Variants in TBC1D22A observed in about 807,000 individuals in gnomAD.
TBC1D22A encodes the protein TBC1 domain family member 22A, also known as putative GTPase activator.
Under a neutral mutation model 60.2 loss-of-function variants are expected in TBC1D22A, and 38 were observed. That is an observed-to-expected ratio of 0.63 (90% CI 0.49 to 0.83). The LOEUF (loss-of-function observed/expected upper bound fraction) is 0.83. Ranked by LOEUF, TBC1D22A falls within the 40% of genes least tolerant of loss-of-function variation. TBC1D22A has a pLI of 0.00. For synonymous variants in TBC1D22A, 302 were observed against 281.7 expected, an observed-to-expected ratio of 1.07 and a Z score of -0.72; for missense variants, 628 against 701.0, an observed-to-expected ratio of 0.90 and a Z score of 1.18.
At chr22:46,933,715 C>T (rs538582343) in intron 8 of TBC1D22A, among the ~76,000 whole-genome samples, 15 of 152,330 alleles carry the variant, frequency 9.8e-5, no homozygotes, top group African/African-American at 3.4e-4. Context: ...CTGCCCGGGG[C>T]GGGTGTTGAC....
chr22:47,154,264 G>C (rs751999665), intron 12 of TBC1D22A, among the ~76,000 whole-genome samples: 1 of 152,148 alleles, frequency 6.6e-6, no homozygotes, highest in Non-Finnish European at 1.5e-5. Context: ...TTTGAGAGCT[G>C]TTCCTAGTGT....
intron 12 of TBC1D22A, among the ~76,000 whole-genome samples, chr22:47,164,483 A>G (rs1182877256): frequency 1.3e-5 from 2 of 152,190 alleles, no homozygotes; most frequent in African/African-American, 2.4e-5. Flanking sequence ...TGCCTGGGGC[A>G]TGGGACGGCC....
intron 1 of TBC1D22A, among the ~76,000 whole-genome samples, chr22:46,776,839 G>A (rs555325221): frequency 1.3e-4 from 20 of 152,196 alleles, no homozygotes; most frequent in African/African-American, 4.8e-4. Context: ...GGGGCAGGAG[G>A]ACACTGCACA....
At chr22:47,149,836 ATTG>A (rs1217731585) in intron 12 of TBC1D22A, among the ~76,000 whole-genome samples, 1 of 152,206 alleles carries the variant, frequency 6.6e-6, no homozygotes, top group East Asian at 1.9e-4. Context: ...GACTGGGGTG[ATTG>A]TCACCTCCAC....
At chr22:47,056,006 C>T (rs576718844) in intron 11 of TBC1D22A, among the ~76,000 whole-genome samples, 24 of 146,560 alleles carry the variant, frequency 1.6e-4, no homozygotes, top group African/African-American at 5.8e-4. Context: ...ATCATTGGGA[C>T]TGTTGGACTG....
rs2148397193 is a variant in TBC1D22A at position 47,037,103 on chromosome 22, G to A, written c.1234G>A (p.Val412Met). 2 of 1,613,990 alleles carry A rather than the reference G, an allele frequency of 1.2e-6. No homozygotes were observed. Among genetic ancestry groups the A allele is most frequent in the Non-Finnish European group, 8.5e-7 (1 of 1,179,896 alleles). ...GCACCGGCACCTGGACCAACACGAA[G>A]TGAGATACCTGCAGTTTGCCTTCCG... Reference protein sequence around the residue: ...QVHRHLDQHEVRYLQFAFRWM... With the variant: ...QVHRHLDQHEMRYLQFAFRWM... The change falls in exon 11 of 13, where the codon GTG becomes ATG. Residue 412 changes from valine (V) to methionine (M), a missense_variant. Val to Met is a conservative substitution (Grantham distance 21). Coordinates refer to ENST00000337137, the MANE Select transcript of TBC1D22A (RefSeq NM_014346.5).
intron 9 of TBC1D22A, among the ~76,000 whole-genome samples, chr22:46,987,172 C>A (rs1177817518): frequency 1.3e-5 from 2 of 152,154 alleles, no homozygotes. Flanking sequence ...GAAGTCATGC[C>A]CCCTGTACGC....
At chr22:47,140,930 T>G (rs117709515) in intron 12 of TBC1D22A, among the ~76,000 whole-genome samples, 1 of 152,368 alleles carries the variant, frequency 6.6e-6, no homozygotes, top group Non-Finnish European at 1.5e-5. Context: ...TCCGGAGCCC[T>G]GACTCTAGGA....
intron 10 of TBC1D22A, 138 bp from the exon 11 acceptor site, chr22:47,036,933 T>A: frequency 1.1e-6 from 1 of 925,806 alleles, no homozygotes; most frequent in Non-Finnish European, 1.6e-6. Flanking sequence ...CTTTGCTCCT[T>A]GGGGGTTGTT....
intron 8 of TBC1D22A, among the ~76,000 whole-genome samples, chr22:46,918,907 GC>G (rs2070558152): frequency 6.6e-6 from 1 of 152,130 alleles, no homozygotes; most frequent in Non-Finnish European, 1.5e-5. Flanking sequence ...TCTGACTCCA[GC>G]AGTCACCGTT....
intron 4 of TBC1D22A, among the ~76,000 whole-genome samples, chr22:46,861,204 G>A (rs879485936): frequency 4.6e-5 from 7 of 152,062 alleles, no homozygotes; most frequent in Non-Finnish European, 8.8e-5. Flanking sequence ...GTGATCCACC[G>A]TGCCTCGGCT....
At chr22:46,809,568 A>G (rs926386402) in intron 4 of TBC1D22A, among the ~76,000 whole-genome samples, 8 of 151,272 alleles carry the variant, frequency 5.3e-5, no homozygotes, top group African/African-American at 1.7e-4. Context: ...ATCCCCTGCC[A>G]CCCTGACCCT....
At chr22:46,821,970 C>A (rs1022971003) in intron 4 of TBC1D22A, among the ~76,000 whole-genome samples, 1 of 151,726 alleles carries the variant, frequency 6.6e-6, no homozygotes, top group South Asian at 2.1e-4. Flanking sequence ...TGTCTGCATA[C>A]CTTATTTCAT....
At chr22:46,815,747 C>T (rs951036290) in intron 4 of TBC1D22A, among the ~76,000 whole-genome samples, 9 of 152,156 alleles carry the variant, frequency 5.9e-5, no homozygotes, top group African/African-American at 2.2e-4. Context: ...GTTGAGAGAC[C>T]AGGCAAAACA....
In TBC1D22A at chr22:46,771,260, A is replaced by G. The variant is rs559962852; in HGVS notation, c.62+8412A>G. Reference sequence around the variant, plus strand: ...CATCGCCTCCAAGTGTTTTTGAGGAACCATGGGATTCCTCATGGAATTGAG... The same window carrying G: ...CATCGCCTCCAAGTGTTTTTGAGGAGCCATGGGATTCCTCATGGAATTGAG... On this transcript the variant is annotated intron_variant, in intron 1 of 12. Coordinates refer to ENST00000337137, the MANE Select transcript of TBC1D22A (RefSeq NM_014346.5). Among the ~76,000 whole-genome samples the G allele has an allele frequency of 9.9e-5, 15 of 152,274 alleles. No homozygotes were observed. The South Asian group carries it at 3.1e-3, about 32-fold the overall frequency.
chr22:46,940,595 C>T (rs1055814439), intron 8 of TBC1D22A, among the ~76,000 whole-genome samples: 1 of 145,000 alleles, frequency 6.9e-6, no homozygotes, highest in Non-Finnish European at 1.5e-5. Flanking sequence ...CACAGTCCAC[C>T]CTTGAACAGC....
chr22:46,916,065 A>G (rs938474511), intron 8 of TBC1D22A: 1 of 397,326 alleles, frequency 2.5e-6, no homozygotes, highest in Non-Finnish European at 4.9e-6. Flanking sequence ...ATATGCATGT[A>G]GTGAATTGTA....
chr22:47,055,050 G>A (rs1478298658), intron 11 of TBC1D22A, among the ~76,000 whole-genome samples: 2 of 152,220 alleles, frequency 1.3e-5, no homozygotes, highest in Non-Finnish European at 2.9e-5. Flanking sequence ...TCTTGCCTCC[G>A]AGGTGGAGGA....
intron 11 of TBC1D22A, among the ~76,000 whole-genome samples, chr22:47,093,868 C>T (rs1342209718): frequency 6.6e-6 from 1 of 152,206 alleles, no homozygotes; most frequent in East Asian, 1.9e-4. Flanking sequence ...CTGGGTCCTG[C>T]TGCTCACTGC....
Sources: allele counts gnomAD v4.1 joint callset (sites outside exome capture counted in the v4.1 genomes callset), GRCh38; gene constraint gnomAD v4.1.1; transcripts MANE v1.5; gene names NCBI Gene and HGNC (gene_info 2026-07-23, HGNC 2026-07-21).